Variants in FAM217B observed in about 807,000 individuals in gnomAD.
FAM217B encodes protein FAM217B.
For synonymous variants in FAM217B, 163 were observed against 173.0 expected (o/e 0.94, Z 0.45); for missense variants, 463 against 456.9 (o/e 1.01, Z -0.12).
At position 59,944,010 on chromosome 20, in the gene FAM217B, A is replaced by G; in HGVS notation, c.67A>G (p.Lys23Glu). 1 of 1,613,996 alleles carries G rather than the reference A, an allele frequency of 6.2e-7. No individual in the cohort carries two copies. The highest frequency in any genetic ancestry group is 8.5e-7 in the Non-Finnish European group (1 of 1,179,974). ...SKNSSGKRQSKSQVPHASSQP... is the reference protein window; with the variant it reads ...SKNSSGKRQSESQVPHASSQP... ...GAATTCTTCAGGAAAAAGGCAGAGT[A>G]AATCCCAAGTACCCCACGCTTCTTC... The change falls in exon 4 of 4, where the codon AAA becomes GAA. Residue 23 changes from lysine (K) to glutamate (E), a missense_variant. Transcript: ENST00000360816.
chr20:59,942,923 T>C (rs2060913275), intron 3 of FAM217B, among the ~76,000 whole-genome samples: 1 of 152,234 alleles, frequency 6.6e-6, no homozygotes, highest in Non-Finnish European at 1.5e-5. Context: ...CGTTGTACTA[T>C]TGGCAATGAT....
At chr20:59,940,217 T>G, upstream of FAM217B, 2 of 308,420 alleles carry the variant, frequency 6.5e-6, no homozygotes, top group Non-Finnish European at 1.2e-5. Context: ...TCTTTTTTCT[T>G]CTTGCTTCCT....
At chr20:59,939,343 TG>T (rs1467744029), upstream of FAM217B, 1 of 1,611,280 alleles carries the variant, frequency 6.2e-7, no homozygotes, top group Non-Finnish European at 8.5e-7. Context: ...AAGGCCACGT[TG>T]CACACGCGCA....
upstream of FAM217B, chr20:59,938,275 G>A (rs550305155): frequency 2.0e-5 from 3 of 152,370 alleles, no homozygotes; most frequent in African/African-American, 7.2e-5. Flanking sequence ...TGTGAATGCA[G>A]AGAAATAACT....
upstream of FAM217B, chr20:59,938,943 A>C: frequency 7.7e-7 from 1 of 1,306,708 alleles, no homozygotes; most frequent in Non-Finnish European, 1.0e-6. Flanking sequence ...GTGGTGAAGA[A>C]CAACCAGATA....
At chr20:59,939,138 T>G, upstream of FAM217B, 4 of 1,518,086 alleles carry the variant, frequency 2.6e-6, no homozygotes, top group Non-Finnish European at 3.5e-6. Context: ...GTCCCAGTAC[T>G]CGGCACCCGC....
intron 3 of FAM217B, among the ~76,000 whole-genome samples, chr20:59,943,539 C>G (rs564764762): frequency 6.6e-6 from 1 of 151,992 alleles, no homozygotes; most frequent in Non-Finnish European, 1.5e-5. Flanking sequence ...GTTTTTACTT[C>G]TGAATGTTAT....
chr20:59,933,986 G>A (rs1363630435), intron 1 of FAM217B: 6 of 152,358 alleles, frequency 3.9e-5, no homozygotes, highest in Non-Finnish European at 8.8e-5. Context: ...CTGGTCCCGG[G>A]ACAGGCGAGC....
upstream of FAM217B, chr20:59,940,201 A>G (rs2060892530): frequency 2.9e-6 from 1 of 347,994 alleles, no homozygotes; most frequent in African/African-American, 2.1e-5. Flanking sequence ...AGCGCAGGGT[A>G]GCGCCTCTTT....
upstream of FAM217B, chr20:59,938,275 G>C (rs550305155): frequency 6.6e-6 from 1 of 152,252 alleles, no homozygotes; most frequent in Non-Finnish European, 1.5e-5. Flanking sequence ...TGTGAATGCA[G>C]AGAAATAACT....
exon 1 of FAM217B, chr20:59,933,847 C>T (rs1330537385): frequency 6.6e-6 from 1 of 150,710 alleles, no homozygotes; most frequent in East Asian, 2.0e-4. Flanking sequence ...TCAGGCCAGG[C>T]CCTCAGGTTA....
chr20:59,944,619 CT>C lies in FAM217B; in HGVS notation c.677del (p.Leu226GlnfsTer63). 1 of 1,614,064 alleles carries C rather than the reference CT, an allele frequency of 6.2e-7. No homozygotes were observed. Among genetic ancestry groups the C allele is most frequent in the Non-Finnish European group, 8.5e-7 (1 of 1,180,022 alleles). ...GALKSPGRSK[L>X]IASALSKPLP... ...ACTGAAAAGCCCTGGGAGAAGTAAG[CT>C]AATTGCTAGTGCTCTGTCCAAGCCA... On this transcript the variant is annotated frameshift_variant, in exon 4 of 4. Coordinates refer to ENST00000360816, the MANE Select transcript of FAM217B (RefSeq NM_022106.3). LOFTEE classifies it low-confidence loss of function (END_TRUNC).
upstream of FAM217B, chr20:59,936,889 A>G (rs891736891): frequency 1.3e-5 from 2 of 152,494 alleles, no homozygotes; most frequent in Non-Finnish European, 2.9e-5. Context: ...TAAATAACAT[A>G]TTAAAATATG....
intron 3 of FAM217B, among the ~76,000 whole-genome samples, chr20:59,942,926 G>T (rs1374974509): frequency 6.6e-6 from 1 of 152,032 alleles, no homozygotes; most frequent in African/African-American, 2.4e-5. Context: ...TGTACTATTG[G>T]CAATGATTTA....
rs1245850740 is a variant in FAM217B, at chr20:59,948,265, A to T, written c.*3170A>T. The T allele has an allele frequency of 1.8e-5, 3 of 167,038 alleles. No homozygotes were observed. The highest frequency in any genetic ancestry group is 3.8e-4 in the East Asian group (2 of 5,204). 10.3% of individuals were successfully genotyped at this position (167,038 alleles called of 1,614,324 possible). ...GACTTCATACCCTGTGACAAAAAGG[A>T]TGGGGAAGAGAATATCATTGGTCTT... On this transcript the variant is annotated 3_prime_UTR_variant, in exon 4 of 4. Transcript: ENST00000360816.
chr20:59,933,979 G>A (rs1339429492), intron 1 of FAM217B: 1 of 152,358 alleles, frequency 6.6e-6, no homozygotes, highest in Non-Finnish European at 1.5e-5. Flanking sequence ...TGGGGCCCTG[G>A]TCCCGGGACA....
At chr20:59,936,690 G>A (rs1285305434), upstream of FAM217B, 1 of 152,136 alleles carries the variant, frequency 6.6e-6, no homozygotes, top group Non-Finnish European at 1.5e-5. Context: ...ATTTATTTTT[G>A]CCAAGGCTCT....
upstream of FAM217B, chr20:59,940,219 T>G: frequency 3.4e-6 from 1 of 295,670 alleles, no homozygotes; most frequent in Non-Finnish European, 6.6e-6. Context: ...TTTTTTCTTC[T>G]TGCTTCCTTG....
intron 1 of FAM217B, among the ~76,000 whole-genome samples, chr20:59,934,505 G>C (rs935329102): frequency 3.3e-5 from 5 of 152,090 alleles, no homozygotes; most frequent in Admixed American, 1.3e-4. Context: ...GATGCAGCTC[G>C]GTCTTTCTAA....
Sources: allele counts gnomAD v4.1 joint callset (sites outside exome capture counted in the v4.1 genomes callset), GRCh38; gene constraint gnomAD v4.1.1; transcripts MANE v1.5; gene names NCBI Gene and HGNC (gene_info 2026-07-23, HGNC 2026-07-21).